Variants in ENTREP2 observed in about 807,000 individuals in gnomAD.
ENTREP2 encodes the protein endosomal transmembrane epsin interactor 2.
the ENTREP2 span, among the ~76,000 whole-genome samples, chr15:29,377,847 TAATAATAATAATAATAAA>T: frequency 2.9e-5 from 4 of 138,698 alleles, no homozygotes; most frequent in South Asian, 4.9e-4. Context: ...ATAATAATAA[TAATAATAATAATAATAAA>T]AAAATGAGCC....
At chr15:29,186,441 G>A in the ENTREP2 span, among the ~76,000 whole-genome samples, 2 of 152,224 alleles carry the variant, frequency 1.3e-5, no homozygotes, top group Non-Finnish European at 2.9e-5. Context: ...TCCCTTAGTG[G>A]TGGCTCCAGA....
the ENTREP2 span, chr15:29,268,549 C>A: frequency 4.5e-6 from 2 of 442,864 alleles, no homozygotes; most frequent in Non-Finnish European, 3.9e-6. Context: ...ACTAAGCTAG[C>A]AAAATTTTTT....
the ENTREP2 span, among the ~76,000 whole-genome samples, chr15:29,370,881 G>T: frequency 7.2e-4 from 109 of 152,082 alleles, no homozygotes; most frequent in African/African-American, 2.5e-3. Context: ...CATCATGGAA[G>T]AGTGTCTGGA....
At chr15:29,384,271 T>G in the ENTREP2 span, among the ~76,000 whole-genome samples, 1 of 152,118 alleles carries the variant, frequency 6.6e-6, no homozygotes, top group Non-Finnish European at 1.5e-5. Context: ...AATTCAAAAT[T>G]TCTGACCATA....
the ENTREP2 span, among the ~76,000 whole-genome samples, chr15:29,572,098 A>G: frequency 3.0e-4 from 45 of 152,310 alleles, no homozygotes; most frequent in African/African-American, 1.1e-3. Flanking sequence ...ATCCTCTATT[A>G]AAATGCAAAT....
At chr15:29,162,685 C>T in the ENTREP2 span, among the ~76,000 whole-genome samples, 4 of 152,124 alleles carry the variant, frequency 2.6e-5, no homozygotes, top group South Asian at 2.1e-4. Flanking sequence ...AGCTCAGATA[C>T]GCCTGGCCCC....
At chr15:29,174,403 A>G in the ENTREP2 span, among the ~76,000 whole-genome samples, 2 of 152,156 alleles carry the variant, frequency 1.3e-5, no homozygotes, top group African/African-American at 2.4e-5. Context: ...AAAACTAGAA[A>G]CACGGCCAGG....
At chr15:29,277,296 T>A in the ENTREP2 span, among the ~76,000 whole-genome samples, 2 of 151,474 alleles carry the variant, frequency 1.3e-5, no homozygotes, top group Admixed American at 6.6e-5. Context: ...GAGCCAAGAT[T>A]GTGTCACTGC....
the ENTREP2 span, among the ~76,000 whole-genome samples, chr15:29,150,928 A>G: frequency 6.6e-6 from 1 of 152,180 alleles, no homozygotes; most frequent in East Asian, 1.9e-4. Context: ...CGAGGCAGAA[A>G]GACACACACA....
chr15:29,463,317 T>C, the ENTREP2 span, among the ~76,000 whole-genome samples: 2 of 151,990 alleles, frequency 1.3e-5, no homozygotes, highest in Non-Finnish European at 2.9e-5. Flanking sequence ...ACCCAGTCCC[T>C]GGAGAAAGTA....
the ENTREP2 span, among the ~76,000 whole-genome samples, chr15:29,246,777 G>A: frequency 1.3e-5 from 2 of 151,996 alleles, no homozygotes; most frequent in South Asian, 4.2e-4. Context: ...CTTCATTAAG[G>A]GGTGGTTATA....
the ENTREP2 span, among the ~76,000 whole-genome samples, chr15:29,239,381 G>A: frequency 1.3e-4 from 20 of 152,144 alleles, no homozygotes; most frequent in African/African-American, 4.8e-4. Flanking sequence ...CAGGGAAGAG[G>A]CTGAGGTCAA....
chr15:29,329,329 C>T, the ENTREP2 span, among the ~76,000 whole-genome samples: 4 of 150,864 alleles, frequency 2.7e-5, no homozygotes, highest in African/African-American at 7.4e-5. Flanking sequence ...CACCACTGCA[C>T]TCCAGCCTGG....
At chr15:29,336,694 G>A in the ENTREP2 span, among the ~76,000 whole-genome samples, 2 of 152,146 alleles carry the variant, frequency 1.3e-5, no homozygotes, top group Non-Finnish European at 2.9e-5. Flanking sequence ...CCGTTTTCAC[G>A]TGCTCACGTA....
At chr15:29,478,034 T>TATATATATATA in the ENTREP2 span, among the ~76,000 whole-genome samples, 1 of 131,212 alleles carries the variant, frequency 7.6e-6, no homozygotes, top group African/African-American at 2.9e-5. Context: ...TTTTTTTTTT[T>TATATATATATA]TTTTTTCTGA....
the ENTREP2 span, among the ~76,000 whole-genome samples, chr15:29,334,488 G>A: frequency 9.8e-5 from 15 of 152,290 alleles, no homozygotes; most frequent in South Asian, 6.2e-4. Context: ...TTCATAGTTC[G>A]AGGATTCTAA....
At chr15:29,132,079 T>C in the ENTREP2 span, among the ~76,000 whole-genome samples, 1,180 of 152,112 alleles carry the variant, frequency 7.8e-3, 17 homozygotes, top group African/African-American at 0.027. Context: ...AGTCAGCTCC[T>C]CCCCGACAGA....
the ENTREP2 span, among the ~76,000 whole-genome samples, chr15:29,484,204 A>C: frequency 6.6e-6 from 1 of 152,230 alleles, no homozygotes; most frequent in Non-Finnish European, 1.5e-5. Flanking sequence ...TCTAATAACA[A>C]GAATGTTCAA....
chr15:29,376,786 C>A, the ENTREP2 span: 1 of 152,222 alleles, frequency 6.6e-6, no homozygotes, highest in Non-Finnish European at 1.5e-5. Context: ...GGAGCTGCAG[C>A]AGGGCTCCGG....
Sources: gnomAD v4.1 joint callset for allele counts (sites outside exome capture counted in the v4.1 genomes callset) on GRCh38, gnomAD v4.1.1 for gene constraint, MANE v1.5 for transcripts, NCBI Gene and HGNC (gene_info 2026-07-23, HGNC 2026-07-21) for gene names.